SIPA1L1: variants seen among roughly 807,000 people sequenced by gnomAD.
SIPA1L1 encodes the protein signal induced proliferation associated 1 like 1.
A neutral mutation model predicts 162.7 loss-of-function variants in SIPA1L1; 26 were observed. That is an observed-to-expected ratio of 0.16 (90% CI 0.12 to 0.22). SIPA1L1 has a LOEUF of 0.22. SIPA1L1 is among the 10% of genes least tolerant of loss of function. The pLI, the probability that SIPA1L1 is intolerant of heterozygous loss-of-function variation, is 1.00. For synonymous variants in SIPA1L1, 829 were observed against 837.4 expected (o/e 0.99, Z 0.17); for missense variants, 1,874 against 2,241.0 (o/e 0.84, Z 3.31).
intron 4 of SIPA1L1, among the ~76,000 whole-genome samples, chr14:71,570,254 C>T (rs1190289880): frequency 6.6e-6 from 1 of 151,592 alleles, no homozygotes; most frequent in African/African-American, 2.4e-5. Flanking sequence ...TTTTAAAATC[C>T]ATTTATCTTT....
intron 5 of SIPA1L1, among the ~76,000 whole-genome samples, chr14:71,596,316 G>A (rs980479900): frequency 2.6e-5 from 4 of 152,166 alleles, no homozygotes; most frequent in Non-Finnish European, 5.9e-5. Flanking sequence ...AGCATGCTCA[G>A]CTATTGACTA....
At chr14:71,719,404 G>A (rs1365991100) in intron 17 of SIPA1L1, among the ~76,000 whole-genome samples, 1 of 152,226 alleles carries the variant, frequency 6.6e-6, no homozygotes, top group Non-Finnish European at 1.5e-5. Context: ...CCCACCAGCA[G>A]TGTATGAGAG....
At chr14:71,371,361 T>C (rs1394185971) in intron 2 of SIPA1L1, among the ~76,000 whole-genome samples, 1 of 152,162 alleles carries the variant, frequency 6.6e-6, no homozygotes, top group East Asian at 1.9e-4. Flanking sequence ...CTGATGAAAG[T>C]AACAGAAGGC....
At chr14:71,617,280 T>C (rs953659911) in intron 5 of SIPA1L1, among the ~76,000 whole-genome samples, 5 of 152,242 alleles carry the variant, frequency 3.3e-5, no homozygotes, top group Non-Finnish European at 7.3e-5. Context: ...CACCTGGAAT[T>C]ATCACACCTC....
intron 3 of SIPA1L1, among the ~76,000 whole-genome samples, chr14:71,515,555 A>G (rs1012311589): frequency 2.6e-5 from 4 of 152,220 alleles, no homozygotes; most frequent in African/African-American, 9.6e-5. Context: ...TGATGTCTCT[A>G]TGTAACTTAC....
intron 2 of SIPA1L1, among the ~76,000 whole-genome samples, chr14:71,404,790 C>T (rs1231375901): frequency 6.6e-6 from 1 of 152,158 alleles, no homozygotes; most frequent in African/African-American, 2.4e-5. Context: ...TTTCATTTTA[C>T]AAAGAACTTA....
rs761346706 is a variant in SIPA1L1 at position 71,624,399 on chromosome 14, C to T, written c.1818+163C>T. Among the ~76,000 whole-genome samples the T allele has an allele frequency of 6.6e-5, 10 of 152,298 alleles. 1 individual carries two copies. Among genetic ancestry groups the T allele is most frequent in the Middle Eastern group, 6.8e-3 (2 of 294 alleles). On this transcript the variant is annotated intron_variant, in intron 7 of 23. Coordinates refer to ENST00000381232, the MANE Select transcript of SIPA1L1 (RefSeq NM_001386936.1). ...CATTTTGTTTTTTCTTAACTCTGAA[C>T]TCTGAACATTTCTCATCTGATGAAA...
At chr14:71,723,963 T>G in intron 18 of SIPA1L1, 77 bp downstream of exon 18, 8 of 1,567,702 alleles carry the variant, frequency 5.1e-6, no homozygotes, top group Non-Finnish European at 6.1e-6. Flanking sequence ...GCGTGATCTC[T>G]TACAACAAAA....
intron 2 of SIPA1L1, among the ~76,000 whole-genome samples, chr14:71,485,030 G>A (rs1004897741): frequency 1.3e-5 from 2 of 152,200 alleles, no homozygotes; most frequent in Non-Finnish European, 2.9e-5. Flanking sequence ...ACTAAGTTTA[G>A]ATGAGTGTAA....
intron 4 of SIPA1L1, among the ~76,000 whole-genome samples, chr14:71,562,803 G>A: frequency 6.6e-6 from 1 of 152,098 alleles, no homozygotes; most frequent in East Asian, 1.9e-4. Flanking sequence ...ACAGGCACCT[G>A]CCACCACACC....
At chr14:71,523,196 A>G (rs1048693541) in intron 3 of SIPA1L1, among the ~76,000 whole-genome samples, 14 of 150,478 alleles carry the variant, frequency 9.3e-5, no homozygotes, top group Admixed American at 2.6e-4. Context: ...ATTTGCTCAT[A>G]TTTTCAAACT....
intron 2 of SIPA1L1, among the ~76,000 whole-genome samples, chr14:71,393,401 A>G (rs886570735): frequency 6.6e-6 from 1 of 152,222 alleles, no homozygotes; most frequent in Non-Finnish European, 1.5e-5. Flanking sequence ...GGTGTACACT[A>G]TGGACAACTA....
At chr14:71,734,977 A>G (rs2085152514) in intron 21 of SIPA1L1, among the ~76,000 whole-genome samples, 1 of 152,228 alleles carries the variant, frequency 6.6e-6, no homozygotes, top group Non-Finnish European at 1.5e-5. Context: ...TGGTCTGGAA[A>G]TTTGGCACAA....
In SIPA1L1 at chr14:71,589,208, T is replaced by G; in HGVS notation, c.1336T>G (p.Ser446Ala). 1 of 1,614,090 alleles carries G rather than the reference T, an allele frequency of 6.2e-7. No homozygotes were observed. The highest frequency in any genetic ancestry group is 8.5e-7 in the Non-Finnish European group (1 of 1,179,968). ...SGSFSGCESASFESTLSSHCT... is the reference protein window; with the variant it reads ...SGSFSGCESAAFESTLSSHCT... ...CTCCTTTAGTGGATGTGAAAGTGCC[T>G]CCTTTGAGTCTACCCTTAGTTCCCA... Residue 446 changes from serine (S) to alanine (A), a missense_variant, in exon 5 of 24, where the codon TCC (serine) becomes GCC (alanine). By Grantham distance (99) the Ser-to-Ala change is moderately conservative. Transcript: ENST00000381232.
Position 71,588,623 on chromosome 14 carries a change from G to T in SIPA1L1, c.751G>T (p.Gly251Cys). The T allele has an allele frequency of 6.2e-7, 1 of 1,614,058 alleles. No homozygotes were observed. Among genetic ancestry groups the T allele is most frequent in the Non-Finnish European group, 8.5e-7 (1 of 1,179,972 alleles). ...GCTCAGTGACTTTCTCATTACTGGTGGTGGCAAGGGTTCTGGTTTCTCTTT... is the reference window on the plus strand; with the variant it reads ...GCTCAGTGACTTTCTCATTACTGGTTGTGGCAAGGGTTCTGGTTTCTCTTT... Reference protein sequence around the residue: ...TKLSDFLITGGGKGSGFSLDV... With the variant: ...TKLSDFLITGCGKGSGFSLDV... The change falls in exon 5 of 24, where the codon GGT becomes TGT. Residue 251 changes from glycine (G) to cysteine (C), a missense_variant. By Grantham distance (159) the Gly-to-Cys change is radical (BLOSUM62 -3). Coordinates refer to ENST00000381232, the MANE Select transcript of SIPA1L1 (RefSeq NM_001386936.1). This position sits in a 1 kb window ranked among gnomAD's most constrained non-coding sequence, Gnocchi z 4.3.
intron 2 of SIPA1L1, chr14:71,330,742 G>C (rs1347418731): frequency 2.4e-6 from 2 of 832,454 alleles, no homozygotes; most frequent in East Asian, 4.8e-5. Flanking sequence ...GTCATCATAA[G>C]GAATCTGGCT....
rs190240649 is a variant in SIPA1L1, at chr14:71,624,185, C to T, written c.1767C>T (p.Ala589=). 1 of 1,614,142 alleles carries T rather than the reference C, an allele frequency of 6.2e-7. No homozygotes were observed. The highest frequency in any genetic ancestry group is 1.7e-5 in the Admixed American group (1 of 60,014). Residue 589 remains alanine, a synonymous_variant, in exon 7 of 24, where the codon GCC becomes GCT. Coordinates refer to ENST00000381232, the MANE Select transcript of SIPA1L1 (RefSeq NM_001386936.1). The part of the protein sequence containing the change: ...PELNVQCLRL[A]FNTPKVTEQL... ...TCAATGTCCAGTGCCTGCGGTTGGCCTTCAACACACCCAAGGTCACAGAGC... is the reference window on the plus strand; with the variant it reads ...TCAATGTCCAGTGCCTGCGGTTGGCTTTCAACACACCCAAGGTCACAGAGC...
chr14:71,701,199 C>T (rs1383039854), intron 14 of SIPA1L1, among the ~76,000 whole-genome samples: 1 of 151,916 alleles, frequency 6.6e-6, no homozygotes, highest in African/African-American at 2.4e-5. Flanking sequence ...GAACTTGGCC[C>T]CAGGTCTTCC....
intron 2 of SIPA1L1, among the ~76,000 whole-genome samples, chr14:71,454,426 G>A (rs2046045732): frequency 6.6e-6 from 1 of 152,164 alleles, no homozygotes; most frequent in Non-Finnish European, 1.5e-5. Context: ...AGGACTATTA[G>A]GGAATTGTAT....
Sources: allele counts gnomAD v4.1 joint callset (sites outside exome capture counted in the v4.1 genomes callset), GRCh38; gene constraint gnomAD v4.1.1; non-coding constraint Gnocchi (gnomAD v3.1); transcripts MANE v1.5; gene names NCBI Gene and HGNC (gene_info 2026-07-23, HGNC 2026-07-21).